Variants in SETBP1 observed in about 807,000 individuals in gnomAD.
The protein encoded by SETBP1 is SET binding protein 1.
SETBP1 carries 9 observed loss-of-function variants against 101.0 expected under a neutral mutation model. The ratio of observed to expected loss-of-function variants is 0.09; its 90% CI spans 0.05 to 0.16. The LOEUF is 0.16. Ranked by LOEUF, SETBP1 falls within the 10% of genes least tolerant of loss-of-function variation. The probability of loss-of-function intolerance (pLI) is 1.00; values close to 1 mark genes in which losing one functional copy is unlikely to be tolerated. For synonymous variants in SETBP1, 818 were observed against 788.5 expected (o/e 1.04, Z -0.63); for missense variants, 1,858 against 2,033.8 (o/e 0.91, Z 1.66).
chr18:44,785,769 C>A (rs1271720951), intron 2 of SETBP1, among the ~76,000 whole-genome samples: 1 of 152,126 alleles, frequency 6.6e-6, no homozygotes, highest in Non-Finnish European at 1.5e-5. Context: ...CAGGTTAGGG[C>A]CAAGGATGAT....
At chr18:44,794,103 CAG>C (rs1168605705) in intron 2 of SETBP1, among the ~76,000 whole-genome samples, 1 of 152,134 alleles carries the variant, frequency 6.6e-6, no homozygotes, top group Non-Finnish European at 1.5e-5. Flanking sequence ...TAACAGCCTG[CAG>C]AGTATGAACA....
chr18:44,890,294 C>T (rs2069737803), intron 3 of SETBP1, among the ~76,000 whole-genome samples: 1 of 152,110 alleles, frequency 6.6e-6, no homozygotes, highest in Non-Finnish European at 1.5e-5. Flanking sequence ...TGTTTTCTTA[C>T]TGCAGTATCG....
intron 4 of SETBP1, among the ~76,000 whole-genome samples, chr18:45,028,161 T>G: frequency 1.4e-5 from 1 of 73,248 alleles, no homozygotes. Context: ...TCCCTCCCCC[T>G]CCCCCCACCC....
chr18:44,885,857 C>CAAAAAAAAAAAAAAAAAAA (rs1555696149), intron 3 of SETBP1, among the ~76,000 whole-genome samples: 8 of 78,164 alleles, frequency 1.0e-4, no homozygotes, highest in Non-Finnish European at 1.2e-4. Flanking sequence ...AAAAAAAAAA[C>CAAAAAAAAAAAAAAAAAAA]AAAAAAAAAA....
In SETBP1 at chr18:44,968,188, G is replaced by A. The variant is rs1453858664; in HGVS notation, c.4000+14848G>A. ...CTGGGAATAAAGAGGAACCATTGAG[G>A]GAAAATATGAATATATATGTATAGT... On this transcript the variant is annotated intron_variant, in intron 4 of 5. Coordinates refer to ENST00000649279, the MANE Select transcript of SETBP1 (RefSeq NM_015559.3). 2.0e-5 allele frequency among the ~76,000 whole-genome samples: 3 copies of A among 151,968 alleles called. No individual in the cohort carries two copies. The East Asian group carries it at 5.8e-4, about 29-fold the overall frequency.
At chr18:44,967,345 A>G (rs539774537) in intron 4 of SETBP1, among the ~76,000 whole-genome samples, 2 of 152,358 alleles carry the variant, frequency 1.3e-5, no homozygotes, top group South Asian at 4.1e-4. Context: ...AATGTGTATG[A>G]CTATTCAGTA....
Position 44,856,419 on chromosome 18 carries a change from A to C in SETBP1, c.487-12811A>C, listed in dbSNP as rs183836902. ...CCCGATTTTTTGCCTCATTTCCTCCATCTGTCAAACCAGCAGGGAAGTTTC... is the reference window on the plus strand; with the variant it reads ...CCCGATTTTTTGCCTCATTTCCTCCCTCTGTCAAACCAGCAGGGAAGTTTC... On this transcript the variant is annotated intron_variant, in intron 2 of 5. Coordinates refer to ENST00000649279, the MANE Select transcript of SETBP1 (RefSeq NM_015559.3). Among the ~76,000 whole-genome samples the C allele has an allele frequency of 1.8e-4, 27 of 152,318 alleles. 1 individual carries two copies. Among genetic ancestry groups the C allele is most frequent in the African/African-American group, 4.8e-4 (20 of 41,570 alleles).
At chr18:44,751,927 C>T (rs190400243) in intron 2 of SETBP1, among the ~76,000 whole-genome samples, 2 of 152,276 alleles carry the variant, frequency 1.3e-5, no homozygotes, top group Admixed American at 1.3e-4. Context: ...ATTGTGTCCT[C>T]ACATGGTGGA....
chr18:44,983,239 C>T (rs1003361575), intron 4 of SETBP1, among the ~76,000 whole-genome samples: 1 of 152,090 alleles, frequency 6.6e-6, no homozygotes, highest in Non-Finnish European at 1.5e-5. Context: ...CGTATCAAAA[C>T]GTGATTGGGG....
chr18:44,963,195 C>T (rs1489104724), intron 4 of SETBP1, among the ~76,000 whole-genome samples: 1 of 152,202 alleles, frequency 6.6e-6, no homozygotes, highest in Non-Finnish European at 1.5e-5. Flanking sequence ...TTGATCAGGC[C>T]AGTAGCATGA....
intron 5 of SETBP1, among the ~76,000 whole-genome samples, chr18:45,047,642 G>C (rs1039923045): frequency 3.9e-5 from 6 of 152,286 alleles, no homozygotes; most frequent in African/African-American, 1.4e-4. Context: ...GTAGGGGGTG[G>C]CAGGGCAAAA....
intron 2 of SETBP1, among the ~76,000 whole-genome samples, chr18:44,713,156 C>T (rs1179693168): frequency 6.6e-6 from 1 of 151,922 alleles, no homozygotes; most frequent in Non-Finnish European, 1.5e-5. Flanking sequence ...GACGGGGTTT[C>T]ACCATGTCAG....
At chr18:44,853,666 T>A (rs116301101) in intron 2 of SETBP1, among the ~76,000 whole-genome samples, 1 of 152,340 alleles carries the variant, frequency 6.6e-6, no homozygotes, top group East Asian at 1.9e-4. Context: ...AGTGAATAAA[T>A]TGAGCTGAAT....
chr18:45,053,937 C>G (rs2051150912), intron 5 of SETBP1, among the ~76,000 whole-genome samples: 1 of 152,162 alleles, frequency 6.6e-6, no homozygotes, highest in South Asian at 2.1e-4. Flanking sequence ...TGAGAGGGTG[C>G]AACCACCCCC....
chr18:44,933,542 C>T (rs1162304760), intron 3 of SETBP1, among the ~76,000 whole-genome samples: 3 of 152,338 alleles, frequency 2.0e-5, no homozygotes, highest in Non-Finnish European at 2.9e-5. Context: ...TATGCCCTGC[C>T]CTCAGAGGTG....
At chr18:44,718,879 C>G (rs1409947849) in intron 2 of SETBP1, among the ~76,000 whole-genome samples, 1 of 152,076 alleles carries the variant, frequency 6.6e-6, no homozygotes, top group Admixed American at 6.5e-5. Flanking sequence ...CAGAGGATGT[C>G]AGAGCTTCTC....
chr18:44,875,657 A>T (rs997519131), intron 3 of SETBP1, among the ~76,000 whole-genome samples: 1 of 152,104 alleles, frequency 6.6e-6, no homozygotes, highest in Non-Finnish European at 1.5e-5. Context: ...CTCAATACAC[A>T]TATACCAAGG....
At chr18:44,994,666 T>C (rs1211025389) in intron 4 of SETBP1, among the ~76,000 whole-genome samples, 1 of 152,162 alleles carries the variant, frequency 6.6e-6, no homozygotes, top group East Asian at 1.9e-4. Context: ...AATGTAGATA[T>C]GTACATGGTG....
intron 3 of SETBP1, among the ~76,000 whole-genome samples, chr18:44,913,380 G>A (rs546182065): frequency 9.9e-5 from 15 of 152,238 alleles, no homozygotes; most frequent in Admixed American, 3.3e-4. Context: ...CAATGCTTCC[G>A]TCCTCCTGGC....
Sources: gnomAD v4.1 joint callset for allele counts (sites outside exome capture counted in the v4.1 genomes callset) on GRCh38, gnomAD v4.1.1 for gene constraint, MANE v1.5 for transcripts, NCBI Gene and HGNC (gene_info 2026-07-23, HGNC 2026-07-21) for gene names.